ZCCHC7: variants seen among roughly 807,000 people sequenced by gnomAD.
ZCCHC7 encodes the protein zinc finger CCHC-type containing 7, also known as zinc finger CCHC domain-containing protein 7.
ZCCHC7 carries 35 observed loss-of-function variants against 52.0 expected under a neutral mutation model. The observed-to-expected ratio is 0.67, with a 90% CI of 0.51 to 0.89. The LOEUF is 0.89. Among genes scored for constraint, ZCCHC7 ranks in the 40% least tolerant of loss-of-function variants. ZCCHC7 has a pLI of 0.00. For synonymous variants in ZCCHC7, 217 were observed against 221.5 expected (o/e 0.98, Z 0.18); for missense variants, 574 against 649.1 (o/e 0.88, Z 1.26).
At chr9:37,289,246 T>G (rs1182274699) in intron 2 of ZCCHC7, among the ~76,000 whole-genome samples, 2 of 150,716 alleles carry the variant, frequency 1.3e-5, no homozygotes, top group East Asian at 3.9e-4. Context: ...GCCTCCCGGG[T>G]TCAAGCAATT....
At chr9:37,137,122 A>G (rs190992111) in intron 2 of ZCCHC7, among the ~76,000 whole-genome samples, 9 of 152,372 alleles carry the variant, frequency 5.9e-5, no homozygotes, top group Non-Finnish European at 1.2e-4. Context: ...AAAAATTGCC[A>G]TGTACTTTTT....
intron 2 of ZCCHC7, among the ~76,000 whole-genome samples, chr9:37,129,065 T>C (rs1222578979): frequency 6.6e-6 from 1 of 152,236 alleles, no homozygotes; most frequent in Admixed American, 6.5e-5. Flanking sequence ...TTGGGTATCT[T>C]ACTGTCTCAC....
At chr9:37,307,452 G>T (rs1159774389) in intron 5 of ZCCHC7, among the ~76,000 whole-genome samples, 1 of 151,976 alleles carries the variant, frequency 6.6e-6, no homozygotes, top group Admixed American at 6.5e-5. Context: ...TACCTAAGTG[G>T]CAATTCTAAT....
chr9:37,259,699 G>A (rs758306574), intron 2 of ZCCHC7, among the ~76,000 whole-genome samples: 17 of 152,112 alleles, frequency 1.1e-4, no homozygotes, highest in Non-Finnish European at 2.1e-4. Flanking sequence ...AATTCTAAGT[G>A]TAGATTTATA....
chr9:37,342,777 T>C (rs927426543), intron 6 of ZCCHC7, among the ~76,000 whole-genome samples: 40 of 152,210 alleles, frequency 2.6e-4, no homozygotes, highest in Non-Finnish European at 1.3e-4. Flanking sequence ...CTGTTATTAT[T>C]CCCGTTTTAC....
intron 2 of ZCCHC7, among the ~76,000 whole-genome samples, chr9:37,231,601 C>G (rs1420701338): frequency 6.6e-6 from 1 of 152,078 alleles, no homozygotes; most frequent in Non-Finnish European, 1.5e-5. Flanking sequence ...GAAAACCAAA[C>G]CTTTATACCT....
intron 2 of ZCCHC7, among the ~76,000 whole-genome samples, chr9:37,189,161 T>G (rs933594023): frequency 2.0e-5 from 3 of 151,532 alleles, no homozygotes; most frequent in African/African-American, 7.3e-5. Flanking sequence ...TCTTTGTTCA[T>G]CCAAGAGTGT....
intron 2 of ZCCHC7, among the ~76,000 whole-genome samples, chr9:37,267,721 C>T (rs543740175): frequency 2.6e-5 from 4 of 152,090 alleles, no homozygotes; most frequent in South Asian, 2.1e-4. Flanking sequence ...AGGTGCCTGC[C>T]ACCACGCCTG....
At chr9:37,196,311 C>CT (rs908021836) in intron 2 of ZCCHC7, among the ~76,000 whole-genome samples, 2 of 152,222 alleles carry the variant, frequency 1.3e-5, no homozygotes, top group African/African-American at 2.4e-5. Flanking sequence ...TATAGTGAAA[C>CT]TTTATCTGTA....
intron 6 of ZCCHC7, among the ~76,000 whole-genome samples, chr9:37,344,067 C>T (rs1820802923): frequency 6.6e-6 from 1 of 152,076 alleles, no homozygotes. Flanking sequence ...AATCCTAGTG[C>T]TTTTGGAGGC....
chr9:37,136,603 G>A (rs1843008109), intron 2 of ZCCHC7, among the ~76,000 whole-genome samples: 2 of 152,128 alleles, frequency 1.3e-5, no homozygotes, highest in South Asian at 4.1e-4. Context: ...GACTGCAGAT[G>A]TGGGCCACCA....
Position 37,122,829 on chromosome 9 carries a change from T to TG in ZCCHC7, c.-22+2209dup, listed in dbSNP as rs1300657908. Among the ~76,000 whole-genome samples, 43 of 152,092 alleles carry TG rather than the reference T, an allele frequency of 2.8e-4. 1 individual carries two copies. The highest frequency in any genetic ancestry group is 2.8e-3 in the Admixed American group (43 of 15,266). ...GCGCGTGCCTGTAATCCCAGCTACT[T>TG]GGGAGGCGGAGGCAGGAGAATTTCT... On this transcript the variant is annotated intron_variant, in intron 1 of 8. Coordinates refer to ENST00000336755, the MANE Select transcript of ZCCHC7 (RefSeq NM_032226.3).
At chr9:37,338,334 A>G (rs1830773309) in intron 6 of ZCCHC7, among the ~76,000 whole-genome samples, 1 of 152,186 alleles carries the variant, frequency 6.6e-6, no homozygotes, top group Non-Finnish European at 1.5e-5. Flanking sequence ...CACTATTGGA[A>G]GTTATACCAA....
intron 2 of ZCCHC7, among the ~76,000 whole-genome samples, chr9:37,156,862 T>C (rs1476003573): frequency 6.6e-6 from 1 of 152,176 alleles, no homozygotes; most frequent in African/African-American, 2.4e-5. Flanking sequence ...TGTTAAAACA[T>C]TCATTCATTC....
At chr9:37,154,034 C>G (rs773701181) in intron 2 of ZCCHC7, among the ~76,000 whole-genome samples, 4 of 151,984 alleles carry the variant, frequency 2.6e-5, no homozygotes, top group Non-Finnish European at 4.4e-5. Flanking sequence ...AGACCACAGG[C>G]ATGCACCATC....
intron 6 of ZCCHC7, among the ~76,000 whole-genome samples, chr9:37,342,947 T>C (rs1205929885): frequency 6.6e-6 from 1 of 152,258 alleles, no homozygotes; most frequent in Non-Finnish European, 1.5e-5. Context: ...AATTTTGCCC[T>C]TGATTGCCCC....
At position 37,126,579 on chromosome 9, in the gene ZCCHC7, A is replaced by C; in HGVS notation, c.247A>C (p.Ile83Leu). Residue 83 changes from isoleucine (I) to leucine (L), a missense_variant, in exon 2 of 9, where the codon ATC becomes CTC. Transcript: ENST00000336755. ...KLIVLSDSEV[I>L]QLSDGSEVIT... ...AATCGTCCTTTCAGATAGTGAGGTC[A>C]TCCAGCTGTCAGATGGGTCAGAGGT... 1 of 1,614,200 alleles carries C rather than the reference A, an allele frequency of 6.2e-7. No individual in the cohort carries two copies.
chr9:37,231,963 G>A (rs185993388), intron 2 of ZCCHC7, among the ~76,000 whole-genome samples: 1 of 152,188 alleles, frequency 6.6e-6, no homozygotes, highest in East Asian at 1.9e-4. Context: ...ATATAATCCT[G>A]GAGTCTCTTC....
intron 2 of ZCCHC7, chr9:37,147,406 G>A (rs1312081790): frequency 1.3e-5 from 2 of 151,962 alleles, no homozygotes; most frequent in Non-Finnish European, 2.9e-5. Flanking sequence ...CAAGCAAGCT[G>A]TTTTGAAAGT....
Sources: gnomAD v4.1 joint callset for allele counts (sites outside exome capture counted in the v4.1 genomes callset) on GRCh38, gnomAD v4.1.1 for gene constraint, MANE v1.5 for transcripts, NCBI Gene and HGNC (gene_info 2026-07-23, HGNC 2026-07-21) for gene names.